The following IQGAP2 variants were observed in gnomAD, a reference collection of about 807,000 sequenced individuals.
IQGAP2 encodes the protein IQ motif containing GTPase activating protein 2.
A neutral mutation model predicts 201.3 loss-of-function variants in IQGAP2; 173 were observed. That is an observed-to-expected ratio of 0.86 (90% CI 0.76 to 0.98). IQGAP2 has a LOEUF of 0.98. Ranked by LOEUF, IQGAP2 falls within the 50% of genes least tolerant of loss-of-function variation. The pLI is 0.00. For synonymous variants in IQGAP2, 675 were observed against 673.9 expected (o/e 1.00, Z -0.03); for missense variants, 1,687 against 1,864.8 (o/e 0.90, Z 1.76).
intron 8 of IQGAP2, among the ~76,000 whole-genome samples, chr5:76,590,894 C>T (rs922558722): frequency 2.6e-5 from 4 of 151,898 alleles, no homozygotes; most frequent in Admixed American, 2.0e-4. Context: ...CAAAACGAGC[C>T]TGCGCGCTAT....
At chr5:76,536,065 C>CTGTT (rs1554065850) in intron 2 of IQGAP2, among the ~76,000 whole-genome samples, 1 of 123,744 alleles carries the variant, frequency 8.1e-6, no homozygotes, top group South Asian at 2.6e-4. Flanking sequence ...GGAGCATATT[C>CTGTT]TTTTTTTTTT....
At chr5:76,509,732 G>A (rs889505108) in intron 2 of IQGAP2, among the ~76,000 whole-genome samples, 2 of 152,086 alleles carry the variant, frequency 1.3e-5, no homozygotes, top group Admixed American at 1.3e-4. Flanking sequence ...TCTAGACTTG[G>A]GAGTATCCTG....
In IQGAP2 at chr5:76,597,464, T is replaced by C; in HGVS notation, c.933T>C (p.Asn311=). 6.2e-7 allele frequency: 1 copy of C among 1,614,000 alleles called. No individual in the cohort carries two copies. Among genetic ancestry groups the C allele is most frequent in the Non-Finnish European group, 8.5e-7 (1 of 1,179,960 alleles). ...GGCAGGCTGCAGTGGACCATATCAA[T>C]GCTGTCATTCCGGAAGGTGACCCCG... ...VNRQAAVDHI[N]AVIPEGDPEN... The change falls in exon 10 of 36, where the codon AAT becomes AAC. Residue 311 remains asparagine (N), a synonymous_variant. Transcript: ENST00000274364.
At chr5:76,618,835 C>T (rs368905396) in intron 13 of IQGAP2, among the ~76,000 whole-genome samples, 3 of 152,066 alleles carry the variant, frequency 2.0e-5, no homozygotes, top group Non-Finnish European at 2.9e-5. Context: ...CTATCTTGTG[C>T]GGAAACAAAA....
chr5:76,474,527 T>C (rs774760459), intron 2 of IQGAP2, among the ~76,000 whole-genome samples: 25 of 152,206 alleles, frequency 1.6e-4, no homozygotes, highest in Non-Finnish European at 3.4e-4. Context: ...ATTTCTGCAC[T>C]CTGTACTCCG....
At chr5:76,565,345 G>A (rs1470792197) in intron 3 of IQGAP2, among the ~76,000 whole-genome samples, 1 of 152,148 alleles carries the variant, frequency 6.6e-6, no homozygotes, top group Non-Finnish European at 1.5e-5. Context: ...GTCAGCCTTG[G>A]CACTGGCAGC....
At chr5:76,612,302 G>A (rs1386148717) in intron 13 of IQGAP2, among the ~76,000 whole-genome samples, 1 of 152,044 alleles carries the variant, frequency 6.6e-6, no homozygotes, top group East Asian at 1.9e-4. Flanking sequence ...GGCAAACATG[G>A]TGAAACCCCA....
At chr5:76,643,899 C>T (rs763790366) in intron 17 of IQGAP2, among the ~76,000 whole-genome samples, 2 of 147,570 alleles carry the variant, frequency 1.4e-5, no homozygotes, top group Non-Finnish European at 3.0e-5. Context: ...TTAATGTAAC[C>T]GACTGCTCTT....
At chr5:76,433,677 A>G (rs936195551) in intron 1 of IQGAP2, among the ~76,000 whole-genome samples, 1 of 152,124 alleles carries the variant, frequency 6.6e-6, no homozygotes, top group African/African-American at 2.4e-5. Flanking sequence ...CTTTGTTTTG[A>G]GTACAATTTT....
intron 2 of IQGAP2, among the ~76,000 whole-genome samples, chr5:76,483,420 T>C (rs1047750226): frequency 6.6e-6 from 1 of 152,204 alleles, no homozygotes; most frequent in Non-Finnish European, 1.5e-5. Context: ...CTTGGAGCAA[T>C]ATTGGCCCAG....
intron 2 of IQGAP2, among the ~76,000 whole-genome samples, chr5:76,544,277 A>C (rs1476444396): frequency 6.6e-6 from 1 of 152,112 alleles, no homozygotes; most frequent in Non-Finnish European, 1.5e-5. Flanking sequence ...AGGAGTAAAG[A>C]CCCTGAATCC....
chr5:76,485,653 A>C (rs1258589307), intron 2 of IQGAP2, among the ~76,000 whole-genome samples: 2 of 152,146 alleles, frequency 1.3e-5, no homozygotes, highest in African/African-American at 4.8e-5. Context: ...ATGTCCATGT[A>C]GTCATTGGAG....
chr5:76,685,763 G>T (rs1745683792), intron 30 of IQGAP2, among the ~76,000 whole-genome samples: 1 of 152,194 alleles, frequency 6.6e-6, no homozygotes, highest in African/African-American at 2.4e-5. Flanking sequence ...AGAGCCAGCA[G>T]TGGGTTTATT....
At chr5:76,578,044 C>T (rs2150285721) in intron 5 of IQGAP2, among the ~76,000 whole-genome samples, 2 of 152,282 alleles carry the variant, frequency 1.3e-5, no homozygotes, top group South Asian at 4.2e-4. Context: ...AAACTTGTCT[C>T]CTATTCCCTG....
At chr5:76,596,582 A>C (rs1413157776) in intron 9 of IQGAP2, among the ~76,000 whole-genome samples, 1 of 152,194 alleles carries the variant, frequency 6.6e-6, no homozygotes, top group African/African-American at 2.4e-5. Flanking sequence ...AAGAGGCTTA[A>C]TTGACTCAGA....
chr5:76,565,103 T>C (rs548400936), intron 3 of IQGAP2, among the ~76,000 whole-genome samples: 23 of 152,306 alleles, frequency 1.5e-4, no homozygotes, highest in African/African-American at 2.9e-4. Context: ...TGAAAGGAGA[T>C]AAATATTAGC....
intron 2 of IQGAP2, among the ~76,000 whole-genome samples, chr5:76,496,756 T>TCTTTC (rs1756974483): frequency 1.3e-5 from 1 of 75,862 alleles, no homozygotes; most frequent in South Asian, 4.0e-4. Context: ...TTTCTTTCTT[T>TCTTTC]CTTTCTTTCT....
chr5:76,477,518 T>G (rs1239285748), intron 2 of IQGAP2, among the ~76,000 whole-genome samples: 1 of 152,228 alleles, frequency 6.6e-6, no homozygotes, highest in East Asian at 1.9e-4. Context: ...GGTATAAACC[T>G]ACTGTGCTGC....
rs564006755 is a variant in IQGAP2 at position 76,693,457 on chromosome 5, A to G, written c.3993+15A>G. ...CTGCGCAACAGGTAATTTGACTTTA[A>G]GTGTAAAATAATAATAGACAGGTGT... On this transcript the variant is annotated intron_variant, in intron 31 of 35. Transcript: ENST00000274364. The G allele has an allele frequency of 5.3e-6, 8 of 1,503,438 alleles. No homozygotes were observed. The South Asian group carries it at 6.8e-5, about 13-fold the overall frequency. 93.1% of individuals were successfully genotyped at this position (1,503,438 alleles called of 1,614,324 possible). A position where few individuals can be genotyped will look rare whatever the true frequency, so the allele number is the denominator to read the frequency against.
Sources: gnomAD v4.1 joint callset for allele counts (sites outside exome capture counted in the v4.1 genomes callset) on GRCh38, gnomAD v4.1.1 for gene constraint, MANE v1.5 for transcripts, NCBI Gene and HGNC (gene_info 2026-07-23, HGNC 2026-07-21) for gene names.